MYO9B: variants seen among roughly 807,000 people sequenced by gnomAD.
The protein encoded by MYO9B is unconventional myosin-IXb.
A neutral mutation model predicts 229.5 loss-of-function variants in MYO9B; 71 were observed. That is an observed-to-expected ratio of 0.31 (90% CI 0.26 to 0.38). MYO9B has a LOEUF of 0.38. Ranked by LOEUF, MYO9B falls within the 10% of genes least tolerant of loss-of-function variation. The pLI, the probability that MYO9B is intolerant of heterozygous loss-of-function variation, is 1.00. For missense variants in MYO9B, 2,255 were observed against 2,920.5 expected (o/e 0.77, Z 5.25); for synonymous variants, 1,185 against 1,235.8 (o/e 0.96, Z 0.86).
chr19:17,089,024 C>G (rs2057611363), intron 1 of MYO9B, among the ~76,000 whole-genome samples: 1 of 152,176 alleles, frequency 6.6e-6, no homozygotes, highest in Non-Finnish European at 1.5e-5. Context: ...GTTCCTCCCT[C>G]CTGTCACCTG....
At chr19:17,083,517 A>G (rs1277498872) in intron 1 of MYO9B, among the ~76,000 whole-genome samples, 2 of 152,186 alleles carry the variant, frequency 1.3e-5, no homozygotes, top group African/African-American at 4.8e-5. Context: ...GTCTCCAGAC[A>G]TGGCCAAGTG....
At position 17,145,504 on chromosome 19, in the gene MYO9B, T is replaced by G; in HGVS notation, c.935+13T>G. 1 of 1,611,202 alleles carries G rather than the reference T, an allele frequency of 6.2e-7. No homozygotes were observed. Among genetic ancestry groups the G allele is most frequent in the African/African-American group, 1.3e-5 (1 of 74,958 alleles). On this transcript the variant is annotated intron_variant, in intron 3 of 39. Coordinates refer to ENST00000682292, the MANE Select transcript of MYO9B (RefSeq NM_004145.4). ...GCATCGTGAGAGGGTGAGGTGTCCC[T>G]GGGGTCCCCACTGGTGGGAGCTGGC...
At chr19:17,123,363 A>G (rs966443268) in intron 2 of MYO9B, among the ~76,000 whole-genome samples, 16 of 152,286 alleles carry the variant, frequency 1.1e-4, no homozygotes, top group Admixed American at 5.2e-4. Context: ...CAATAAAGGT[A>G]TAACACTTGT....
chr19:17,174,100 G>A (rs557894325), intron 13 of MYO9B, among the ~76,000 whole-genome samples: 23 of 143,168 alleles, frequency 1.6e-4, no homozygotes, highest in Admixed American at 1.3e-3. Context: ...GCGCGATCTC[G>A]GCTACTGCAG....
At chr19:17,077,571 G>A (rs1370657257) in intron 1 of MYO9B, among the ~76,000 whole-genome samples, 2 of 152,170 alleles carry the variant, frequency 1.3e-5, no homozygotes, top group Non-Finnish European at 2.9e-5. Context: ...GGGTCTTGTG[G>A]GGGGAGCACT....
Position 17,198,470 on chromosome 19 carries a change from C to CA in MYO9B, c.4238+163dup, listed in dbSNP as rs1568298437. On this transcript the variant is annotated intron_variant, in intron 24 of 39. Transcript: ENST00000682292. ...TGAATGGGGAGGCCAGGCAGTGGCT[C>CA]ACGCCTATAATCCCAGCACTTTGGG... 2.6e-5 allele frequency among the ~76,000 whole-genome samples: 4 copies of CA among 152,288 alleles called. No individual in the cohort carries two copies. The South Asian group carries it at 8.3e-4, about 32-fold the overall frequency.
rs114243877 is a variant in MYO9B, at chr19:17,195,465, G to A, written c.4038G>A (p.Thr1346=). 66 of 1,594,912 alleles carry A rather than the reference G, an allele frequency of 4.1e-5. No homozygotes were observed. The highest frequency in any genetic ancestry group is 2.0e-4 in the African/African-American group (15 of 74,766). The part of the protein sequence containing the change: ...DRHRATGAAL[T]PTEERRTSFS... ...ACCGGGCCACAGGGGCCGCCCTCAC[G>A]CCCACAGAGTAAGCCCCACACCCTC... The change falls in exon 22 of 40, where the codon ACG becomes ACA. Residue 1346 remains threonine (T), a synonymous_variant. Transcript: ENST00000682292. This position sits in a 1 kb window ranked among gnomAD's most constrained non-coding sequence, Gnocchi z 4.5.
In MYO9B at chr19:17,101,034, G is replaced by T. The variant is rs1368925996; in HGVS notation, c.-58-626G>T. On this transcript the variant is annotated intron_variant, in intron 1 of 39. Coordinates refer to ENST00000682292, the MANE Select transcript of MYO9B (RefSeq NM_004145.4). This position sits in a 1 kb window ranked among gnomAD's most constrained non-coding sequence, Gnocchi z 4.7. ...TCAGGAAGGATGTGGGCTGGGAAGG[G>T]CATAGCAGAAAGAGGGTCATGGCTT... Among the ~76,000 whole-genome samples, 4 of 150,868 alleles carry T rather than the reference G, an allele frequency of 2.7e-5. No individual in the cohort carries two copies. Among genetic ancestry groups the T allele is most frequent in the Non-Finnish European group, 5.9e-5 (4 of 67,856 alleles).
chr19:17,181,280 C>T lies in MYO9B; in HGVS notation c.2333+240C>T, dbSNP rs184381994. Among the ~76,000 whole-genome samples, 1,406 of 152,296 alleles carry T rather than the reference C, an allele frequency of 9.2e-3. 25 individuals carry two copies. Among genetic ancestry groups the T allele is most frequent in the African/African-American group, 0.032 (1,326 of 41,566 alleles). ...ACGGGGCAGCTTCCCAGGAGCACTC[C>T]TTCTTCGAGGCATCTAATTTTCCAC... On this transcript the variant is annotated intron_variant, in intron 15 of 39. Coordinates refer to ENST00000682292, the MANE Select transcript of MYO9B (RefSeq NM_004145.4).
At chr19:17,081,192 T>C (rs974802591) in intron 1 of MYO9B, among the ~76,000 whole-genome samples, 1 of 152,036 alleles carries the variant, frequency 6.6e-6, no homozygotes, top group African/African-American at 2.4e-5. Context: ...CACGCCCAGC[T>C]ACTTTTTGTA....
chr19:17,115,720 C>T (rs181172388), intron 2 of MYO9B, among the ~76,000 whole-genome samples: 2 of 151,976 alleles, frequency 1.3e-5, no homozygotes, highest in East Asian at 3.9e-4. Flanking sequence ...CCACCCACCT[C>T]GTCCCCCACA....
intron 24 of MYO9B, among the ~76,000 whole-genome samples, chr19:17,199,616 C>T (rs865951043): frequency 1.1e-4 from 17 of 151,670 alleles, no homozygotes; most frequent in Middle Eastern, 3.4e-3. Context: ...CAGGCTCAAG[C>T]GATTCTCCTG....
intron 26 of MYO9B, among the ~76,000 whole-genome samples, chr19:17,201,668 G>A (rs760739516): frequency 3.3e-5 from 5 of 152,080 alleles, no homozygotes; most frequent in African/African-American, 9.7e-5. Context: ...TCTGGTGGGT[G>A]GAGGCCAGGG....
intron 3 of MYO9B, among the ~76,000 whole-genome samples, chr19:17,151,145 G>C (rs979368330): frequency 1.1e-4 from 16 of 152,100 alleles, no homozygotes; most frequent in African/African-American, 3.9e-4. Flanking sequence ...TGGGCGTGGT[G>C]GTGGGCGCCT....
chr19:17,131,025 C>G (rs2072189672), intron 2 of MYO9B, among the ~76,000 whole-genome samples: 1 of 152,164 alleles, frequency 6.6e-6, no homozygotes, highest in Admixed American at 6.6e-5. Context: ...ACCCCAGGTA[C>G]TATCTGATCA....
At chr19:17,163,172 T>G (rs1417987968) in intron 10 of MYO9B, 50 bp downstream of exon 10, 5 of 1,523,994 alleles carry the variant, frequency 3.3e-6, no homozygotes, top group Non-Finnish European at 4.4e-6. Context: ...AAATCAGACA[T>G]CACGTGAAAT....
rs1165431772 is a variant in MYO9B at position 17,156,325 on chromosome 19, G to T, written c.1200-584G>T. ...GCTACCTGAGAGGCTGAGATAGGAG[G>T]CTCAACTGAGCCCGGGGAGGTTGAG... On this transcript the variant is annotated intron_variant, in intron 6 of 39. Coordinates refer to ENST00000682292, the MANE Select transcript of MYO9B (RefSeq NM_004145.4). Among the ~76,000 whole-genome samples, 3 of 152,062 alleles carry T rather than the reference G, an allele frequency of 2.0e-5. No individual in the cohort carries two copies. The East Asian group carries it at 5.8e-4, about 29-fold the overall frequency.
At chr19:17,085,219 T>G (rs1405681482) in intron 1 of MYO9B, among the ~76,000 whole-genome samples, 1 of 151,904 alleles carries the variant, frequency 6.6e-6, no homozygotes, top group African/African-American at 2.4e-5. Context: ...CGCTCTCAGG[T>G]GATCAGAAAA....
At chr19:17,202,634 T>G (rs2073119957) in intron 28 of MYO9B, among the ~76,000 whole-genome samples, 1 of 152,222 alleles carries the variant, frequency 6.6e-6, no homozygotes, top group African/African-American at 2.4e-5. Context: ...GTGCCACACC[T>G]ACCTCCTGGT....
Sources: allele counts gnomAD v4.1 joint callset (sites outside exome capture counted in the v4.1 genomes callset), GRCh38; gene constraint gnomAD v4.1.1; non-coding constraint Gnocchi (gnomAD v3.1); transcripts MANE v1.5; gene names NCBI Gene and HGNC (gene_info 2026-07-23, HGNC 2026-07-21).